PPP2R2B: variants seen among roughly 807,000 people sequenced by gnomAD.
PPP2R2B encodes protein phosphatase 2 regulatory subunit Bbeta.
PPP2R2B carries 5 observed loss-of-function variants against 46.0 expected under a neutral mutation model. The observed-to-expected ratio is 0.11, with a 90% confidence interval of 0.06 to 0.23. PPP2R2B has a LOEUF of 0.23. PPP2R2B is among the 10% of genes least tolerant of loss of function. The pLI is 1.00. For synonymous variants in PPP2R2B, 215 were observed against 206.7 expected (o/e 1.04, Z -0.34); for missense variants, 367 against 575.0 (o/e 0.64, Z 3.70).
At chr5:146,998,225 G>A (rs1203034508) in intron 1 of PPP2R2B, among the ~76,000 whole-genome samples, 2 of 152,228 alleles carry the variant, frequency 1.3e-5, no homozygotes, top group Admixed American at 1.3e-4. Context: ...TAAAAACTGA[G>A]AGTGAAGAGA....
chr5:146,878,799 C>T, upstream of PPP2R2B: 2 of 1,275,870 alleles, frequency 1.6e-6, no homozygotes, highest in South Asian at 1.3e-5. The surrounding 1 kb of genome is among the most constrained non-coding windows in gnomAD (Gnocchi z 4.5). Flanking sequence ...GGCGAGGCTC[C>T]TCCCAACCGC....
At chr5:146,692,592 G>T (rs564367751) in intron 4 of PPP2R2B, among the ~76,000 whole-genome samples, 2 of 146,218 alleles carry the variant, frequency 1.4e-5, no homozygotes, top group African/African-American at 5.1e-5. Flanking sequence ...GGAGCGCAGT[G>T]GCACAATCTC....
At chr5:146,790,980 A>G (rs900519359) in intron 2 of PPP2R2B, among the ~76,000 whole-genome samples, 2 of 152,188 alleles carry the variant, frequency 1.3e-5, no homozygotes, top group Admixed American at 6.5e-5. Flanking sequence ...AAATCGGTCA[A>G]TGTTTAGGCT....
At chr5:147,014,906 TA>T (rs926102273) in intron 1 of PPP2R2B, among the ~76,000 whole-genome samples, 30 of 150,758 alleles carry the variant, frequency 2.0e-4, no homozygotes, top group Admixed American at 6.6e-4. Flanking sequence ...AATTAAAAAA[TA>T]AAAAAAAATG....
chr5:146,919,909 T>C (rs1231759344), intron 1 of PPP2R2B: 3 of 152,186 alleles, frequency 2.0e-5, no homozygotes, highest in Admixed American at 1.3e-4. Context: ...TAAACCAGTT[T>C]GCGTATCATG....
chr5:146,992,270 T>C (rs1753727964), intron 1 of PPP2R2B, among the ~76,000 whole-genome samples: 1 of 152,214 alleles, frequency 6.6e-6, no homozygotes, highest in Non-Finnish European at 1.5e-5. Context: ...GGGAAAAGGA[T>C]AGTCTCTTAA....
intron 2 of PPP2R2B, among the ~76,000 whole-genome samples, chr5:146,745,731 G>A (rs1468567370): frequency 7.9e-5 from 12 of 152,106 alleles, no homozygotes. Flanking sequence ...AGGCCAAGGT[G>A]GGTGGATCAC....
intron 9 of PPP2R2B, among the ~76,000 whole-genome samples, 165 bp downstream of exon 9, chr5:146,592,806 T>C (rs1420270618): frequency 6.6e-6 from 1 of 152,188 alleles, no homozygotes; most frequent in Admixed American, 6.5e-5. Flanking sequence ...TTCTCTTCTT[T>C]CCAGCCTTGA....
At chr5:146,818,466 A>T (rs1758063601) in intron 2 of PPP2R2B, among the ~76,000 whole-genome samples, 1 of 152,094 alleles carries the variant, frequency 6.6e-6, no homozygotes. Flanking sequence ...ATATGATAAG[A>T]TGTCCCCATC....
chr5:146,608,073 A>T (rs993965238), intron 7 of PPP2R2B, among the ~76,000 whole-genome samples: 1 of 152,228 alleles, frequency 6.6e-6, no homozygotes, highest in African/African-American at 2.4e-5. Flanking sequence ...AAAAAAGAAA[A>T]GTTGTGAGTC....
intron 2 of PPP2R2B, among the ~76,000 whole-genome samples, chr5:146,806,007 A>C (rs911834531): frequency 3.9e-5 from 6 of 152,242 alleles, no homozygotes; most frequent in African/African-American, 1.4e-4. Context: ...AACATCAAGA[A>C]AAAGGCCAAC....
chr5:146,856,540 C>T, intron 2 of PPP2R2B: 1 of 1,612,850 alleles, frequency 6.2e-7, no homozygotes, highest in Non-Finnish European at 8.5e-7. Flanking sequence ...ATTCATGCTT[C>T]ATTATTGGGC....
chr5:146,746,984 T>C (rs914883562), intron 2 of PPP2R2B, among the ~76,000 whole-genome samples: 1 of 152,152 alleles, frequency 6.6e-6, no homozygotes, highest in African/African-American at 2.4e-5. Context: ...GTGCTGCATA[T>C]CATCTGTGGA....
chr5:146,703,793 G>A (rs1295037702), intron 2 of PPP2R2B, among the ~76,000 whole-genome samples: 2 of 152,146 alleles, frequency 1.3e-5, no homozygotes, highest in Non-Finnish European at 2.9e-5. Context: ...GGAGTATTAG[G>A]CATGGTCCCA....
At chr5:146,832,520 T>A (rs978427635) in intron 2 of PPP2R2B, among the ~76,000 whole-genome samples, 10 of 149,062 alleles carry the variant, frequency 6.7e-5, no homozygotes, top group Admixed American at 6.1e-4. Flanking sequence ...GCCTCCCAAG[T>A]AGCTGAGATT....
chr5:147,059,229 G>C (rs142221512), upstream of PPP2R2B, among the ~76,000 whole-genome samples: 50 of 152,294 alleles, frequency 3.3e-4, no homozygotes, highest in East Asian at 8.9e-3. Flanking sequence ...GGCTATGACA[G>C]CAGGAAGAGG....
At chr5:146,795,294 G>A (rs748698289) in intron 2 of PPP2R2B, among the ~76,000 whole-genome samples, 3 of 152,088 alleles carry the variant, frequency 2.0e-5, no homozygotes, top group Non-Finnish European at 2.9e-5. Context: ...CAACTTAAGT[G>A]TCTATCAACA....
chr5:146,619,225 C>CCT (rs1773470237), intron 7 of PPP2R2B, among the ~76,000 whole-genome samples: 1 of 151,310 alleles, frequency 6.6e-6, no homozygotes, highest in Non-Finnish European at 1.5e-5. Flanking sequence ...TGTCCACACC[C>CCT]TATAAAAGGG....
chr5:146,996,381 T>G (rs1026733330), intron 1 of PPP2R2B, among the ~76,000 whole-genome samples: 9 of 152,108 alleles, frequency 5.9e-5, no homozygotes, highest in African/African-American at 1.7e-4. Flanking sequence ...TTCTTCTAAG[T>G]CGTGTGATGT....
Sources: allele counts gnomAD v4.1 joint callset (sites outside exome capture counted in the v4.1 genomes callset), GRCh38; gene constraint gnomAD v4.1.1; non-coding constraint Gnocchi (gnomAD v3.1); transcripts MANE v1.5; gene names NCBI Gene and HGNC (gene_info 2026-07-23, HGNC 2026-07-21).